TPO: variants seen among roughly 807,000 people sequenced by gnomAD.
TPO encodes thyroid peroxidase.
TPO carries 78 observed loss-of-function variants against 96.9 expected under a neutral mutation model. The observed-to-expected ratio is 0.81, with a 90% CI of 0.67 to 0.97. The LOEUF (loss-of-function observed/expected upper bound fraction) is 0.97, where lower values mean the gene tolerates loss of function less well. Among genes scored for constraint, TPO ranks in the 50% least tolerant of loss-of-function variants. The pLI, the probability that TPO is intolerant of heterozygous loss-of-function variation, is 0.00. For missense variants in TPO, 1,252 were observed against 1,274.8 expected (o/e 0.98, Z 0.27); for synonymous variants, 547 against 538.0 (o/e 1.02, Z -0.23).
chr2:1,474,121 GATA>G (rs1669688170), intron 7 of TPO, among the ~76,000 whole-genome samples: 1 of 152,118 alleles, frequency 6.6e-6, no homozygotes, highest in Non-Finnish European at 1.5e-5. Context: ...CACTGCTCGA[GATA>G]ATATTTGTTA....
chr2:1,469,265 G>A (rs1573316053), intron 7 of TPO, among the ~76,000 whole-genome samples: 1 of 152,122 alleles, frequency 6.6e-6, no homozygotes, highest in African/African-American at 2.4e-5. Context: ...GTGATTTTAG[G>A]GGGTGTTAAA....
chr2:1,419,612 GGCAAA>G (rs1168964920), intron 2 of TPO, among the ~76,000 whole-genome samples: 14 of 152,156 alleles, frequency 9.2e-5, no homozygotes, highest in African/African-American at 3.1e-4. Flanking sequence ...GCATTTGTGT[GGCAAA>G]CCTCTGCAGC....
rs192930026 is a variant in TPO at position 1,433,754 on chromosome 2, C to T, written c.349+147C>T. Reference sequence around the variant, plus strand: ...CAGCTCTTTCAAAGCATACAAGCTGCAATTTTTAAAAATGCTTACCAAACA... The same window carrying T: ...CAGCTCTTTCAAAGCATACAAGCTGTAATTTTTAAAAATGCTTACCAAACA... On this transcript the variant is annotated intron_variant, in intron 4 of 16. Coordinates refer to ENST00000329066, the MANE Select transcript of TPO (RefSeq NM_001206744.2). The T allele has an allele frequency of 2.2e-5, 20 of 925,760 alleles. No homozygotes were observed. In the African/African-American group the frequency reaches 2.3e-4, roughly 11 times the overall value. The allele number at this position is 925,760 out of a possible 1,614,324, so 57.3% of individuals were successfully genotyped here.
chr2:1,429,766 G>A (rs977303644), intron 3 of TPO, among the ~76,000 whole-genome samples: 2 of 152,198 alleles, frequency 1.3e-5, no homozygotes, highest in African/African-American at 2.4e-5. Context: ...TTGAACTTAC[G>A]AGTGATGACT....
chr2:1,516,242 C>T (rs1211262742), intron 14 of TPO, among the ~76,000 whole-genome samples: 3 of 152,190 alleles, frequency 2.0e-5, no homozygotes, highest in African/African-American at 7.2e-5. Context: ...ATCAGGCCTG[C>T]ACTTCTCTGT....
At chr2:1,434,730 A>C (rs963665887) in intron 4 of TPO, among the ~76,000 whole-genome samples, 3 of 152,186 alleles carry the variant, frequency 2.0e-5, no homozygotes, top group Non-Finnish European at 4.4e-5. Context: ...TGTAGAACTT[A>C]AGAACTCCAT....
rs1453836079 is a variant in TPO at position 1,542,565 on chromosome 2, A to AGGACGACTGTTTTCCCAACACGG, written c.*93_*115dup. 6 of 1,584,090 alleles carry AGGACGACTGTTTTCCCAACACGG rather than the reference A, an allele frequency of 3.8e-6. No homozygotes were observed. Among genetic ancestry groups the AGGACGACTGTTTTCCCAACACGG allele is most frequent in the Non-Finnish European group, 4.3e-6 (5 of 1,164,348 alleles). The stretch of plus-strand genomic sequence containing the variant: ...AAACACAGGCAAATCCGAAATCAGC[A>AGGACGACTGTTTTCCCAACACGG]GGACGACTGTTTTCCCAACACGGGT... On this transcript the variant is annotated 3_prime_UTR_variant, in exon 17 of 17. Transcript: ENST00000329066.
intron 7 of TPO, among the ~76,000 whole-genome samples, chr2:1,476,621 C>A (rs1669955306): frequency 6.6e-6 from 1 of 152,216 alleles, no homozygotes; most frequent in African/African-American, 2.4e-5. Context: ...ATAAACCAGA[C>A]CGGGGATTCC....
chr2:1,429,518 A>G (rs546512477), intron 3 of TPO, among the ~76,000 whole-genome samples: 2 of 152,322 alleles, frequency 1.3e-5, no homozygotes, highest in African/African-American at 4.8e-5. Context: ...AGGGGTTGGA[A>G]GAGTTTGGAG....
chr2:1,422,269 C>T (rs1573108949), intron 2 of TPO, among the ~76,000 whole-genome samples: 1 of 36,486 alleles, frequency 2.7e-5, no homozygotes, highest in South Asian at 1.1e-3. Context: ...GCATGGAAGG[C>T]GCGTGGGACT....
intron 4 of TPO, among the ~76,000 whole-genome samples, chr2:1,434,039 T>A (rs1211240322): frequency 6.6e-6 from 1 of 152,176 alleles, no homozygotes; most frequent in Non-Finnish European, 1.5e-5. Context: ...TCAGCAGAAC[T>A]ACCCAGGACA....
chr2:1,542,370 T>C (rs113782106), intron 16 of TPO, 51 bp from the exon 17 acceptor site: 18 of 1,610,578 alleles, frequency 1.1e-5, no homozygotes, highest in Non-Finnish European at 1.5e-5. Context: ...GTGCTGTTAC[T>C]GGAGCAGTCA....
At chr2:1,473,325 C>T (rs367850930) in intron 7 of TPO, among the ~76,000 whole-genome samples, 1 of 152,192 alleles carries the variant, frequency 6.6e-6, no homozygotes, top group African/African-American at 2.4e-5. Context: ...CTCCTTCTCC[C>T]CACAGGCCTA....
chr2:1,407,068 G>A (rs1182050894), intron 1 of TPO, among the ~76,000 whole-genome samples: 2 of 152,196 alleles, frequency 1.3e-5, no homozygotes, highest in African/African-American at 4.8e-5. Flanking sequence ...TAAGTATTGT[G>A]ACTGCAAGGG....
intron 7 of TPO, among the ~76,000 whole-genome samples, chr2:1,467,053 C>CTG (rs1668963053): frequency 6.6e-6 from 1 of 151,940 alleles, no homozygotes; most frequent in Non-Finnish European, 1.5e-5. Flanking sequence ...ACCGCCTTTG[C>CTG]TGTATCCTAG....
At chr2:1,449,989 C>CTT (rs1667172230) in intron 5 of TPO, among the ~76,000 whole-genome samples, 1 of 152,098 alleles carries the variant, frequency 6.6e-6, no homozygotes, top group Admixed American at 6.5e-5. Context: ...CTTCTGGCCA[C>CTT]CTGACAGGGT....
chr2:1,478,011 T>TTAA (rs751673307), intron 8 of TPO: 3 of 985,244 alleles, frequency 3.0e-6, no homozygotes, highest in South Asian at 9.4e-5. Flanking sequence ...TTCAACTCAT[T>TTAA]TAATAATTCC....
At chr2:1,489,555 T>C (rs1416062049) in intron 10 of TPO, among the ~76,000 whole-genome samples, 1 of 152,054 alleles carries the variant, frequency 6.6e-6, no homozygotes, top group Non-Finnish European at 1.5e-5. Context: ...CCCCCATAGA[T>C]CGTAAGCCCA....
Position 1,519,935 on chromosome 2 carries a change from T to A in TPO, c.2618+2953T>A, listed in dbSNP as rs181171332. On this transcript the variant is annotated intron_variant, in intron 15 of 16. Coordinates refer to ENST00000329066, the MANE Select transcript of TPO (RefSeq NM_001206744.2). ...TTTCCAAGGGAACTTGGGAGAGAAA[T>A]ATTTGGCTATAGTTGATTTTAGACT... Among the ~76,000 whole-genome samples, 675 of 152,224 alleles carry A rather than the reference T, an allele frequency of 4.4e-3. 2 individuals carry two copies. The highest frequency in any genetic ancestry group is 7.9e-3 in the Non-Finnish European group (534 of 68,024).
Sources: gnomAD v4.1 joint callset for allele counts (sites outside exome capture counted in the v4.1 genomes callset) on GRCh38, gnomAD v4.1.1 for gene constraint, MANE v1.5 for transcripts, NCBI Gene and HGNC (gene_info 2026-07-23, HGNC 2026-07-21) for gene names.